The following ATXN10 variants were observed in gnomAD, a reference collection of about 807,000 sequenced individuals.
The protein encoded by ATXN10 is ataxin 10.
In ATXN10, 28 loss-of-function variants were observed where a neutral mutation model predicts 52.9. The observed-to-expected ratio is 0.53, with a 90% confidence interval of 0.39 to 0.73. ATXN10 has a LOEUF of 0.73. Among genes scored for constraint, ATXN10 ranks in the 30% least tolerant of loss-of-function variants. The probability of loss-of-function intolerance (pLI) is 0.00; values close to 1 mark genes in which losing one functional copy is unlikely to be tolerated. For synonymous variants in ATXN10, 226 were observed against 221.5 expected, an observed-to-expected ratio of 1.02 and a Z score of -0.18; for missense variants, 565 against 577.0, an observed-to-expected ratio of 0.98 and a Z score of 0.21.
chr22:45,807,199 C>T, intron 10 of ATXN10, 177 bp downstream of exon 10: 2 of 704,224 alleles, frequency 2.8e-6, no homozygotes, highest in South Asian at 3.0e-5. Flanking sequence ...TTTCTGTAAC[C>T]TTTGTAGTAT....
intron 9 of ATXN10, among the ~76,000 whole-genome samples, chr22:45,779,015 C>T (rs932876605): frequency 3.3e-5 from 5 of 152,118 alleles, no homozygotes; most frequent in East Asian, 1.9e-4. Flanking sequence ...CTGTGTTCCT[C>T]GTTTGTAAAG....
rs994102696 is a variant in ATXN10 at position 45,748,917 on chromosome 22, AT to A, written c.1173+8387del. ...TGGTTTAGGTTGTTGCAGCTGTAAAATTTTTTTTAAAAGACTAAAGGATGGT... is the reference window on the plus strand; with the variant it reads ...TGGTTTAGGTTGTTGCAGCTGTAAAATTTTTTTAAAAGACTAAAGGATGGT... On this transcript the variant is annotated intron_variant, in intron 9 of 11. Transcript: ENST00000252934. Among the ~76,000 whole-genome samples the A allele has an allele frequency of 3.1e-4, 47 of 152,194 alleles. 2 individuals are homozygous for A. Among genetic ancestry groups the A allele is most frequent in the Admixed American group, 2.9e-3 (44 of 15,276 alleles).
In ATXN10 at chr22:45,757,983, A is replaced by G. The variant is rs1325414417; in HGVS notation, c.1173+17445A>G. ...GAAAAAAAGTTGAGCTTTTGTGATG[A>G]CACACAAATTCAAACTAAATTTGAT... is the stretch of plus-strand genomic sequence containing the variant. On this transcript the variant is annotated intron_variant, in intron 9 of 11. Coordinates refer to ENST00000252934, the MANE Select transcript of ATXN10 (RefSeq NM_013236.4). The surrounding 1 kb of genome is among the most constrained non-coding windows in gnomAD (Gnocchi z 4.6). Among the ~76,000 whole-genome samples the G allele has an allele frequency of 6.6e-6, 1 of 152,260 alleles. No individual in the cohort carries two copies. The highest frequency in any genetic ancestry group is 2.4e-5 in the African/African-American group (1 of 41,472).
At chr22:45,699,523 G>C (rs1316372408) in intron 3 of ATXN10, among the ~76,000 whole-genome samples, 1 of 138,352 alleles carries the variant, frequency 7.2e-6, no homozygotes, top group African/African-American at 2.7e-5. Context: ...ACAGGGTCTG[G>C]GTCTGTCTCC....
rs1258415779 is a variant in ATXN10, at chr22:45,766,107, A to G, written c.1173+25569A>G. On this transcript the variant is annotated intron_variant, in intron 9 of 11. Coordinates refer to ENST00000252934, the MANE Select transcript of ATXN10 (RefSeq NM_013236.4). This position sits in a 1 kb window ranked among gnomAD's most constrained non-coding sequence, Gnocchi z 4.6. ...AAATGTAGTGTATGATAAAGCTGGCATCTCAGATCACTGGGAGGAAAAGAA... is the reference window on the plus strand; with the variant it reads ...AAATGTAGTGTATGATAAAGCTGGCGTCTCAGATCACTGGGAGGAAAAGAA... 1.3e-5 allele frequency among the ~76,000 whole-genome samples: 2 copies of G among 152,224 alleles called. No individual in the cohort carries two copies. The highest frequency in any genetic ancestry group is 4.8e-5 in the African/African-American group (2 of 41,452).
chr22:45,731,348 T>C (rs1925082481), intron 7 of ATXN10, among the ~76,000 whole-genome samples: 2 of 152,196 alleles, frequency 1.3e-5, no homozygotes, highest in African/African-American at 4.8e-5. Context: ...ATGAGTGGAA[T>C]TGATTGCAGG....
Position 45,689,854 on chromosome 22 carries a change from T to G in ATXN10, c.259T>G (p.Cys87Gly). Residue 87 changes from cysteine to glycine, a missense_variant, in exon 2 of 12, where the codon TGT becomes GGT. Transcript: ENST00000252934. ...SLQLITECFR[C>G]LRNACIECSV... ...GCAGTTAATAACAGAATGCTTCAGG[T>G]GTCTTCGCAATGCTTGCATAGAGTG... 1 of 1,614,178 alleles carries G rather than the reference T, an allele frequency of 6.2e-7. No homozygotes were observed. The highest frequency in any genetic ancestry group is 8.5e-7 in the Non-Finnish European group (1 of 1,180,028).
At chr22:45,751,348 C>T (rs1925940278) in intron 9 of ATXN10, among the ~76,000 whole-genome samples, 1 of 151,810 alleles carries the variant, frequency 6.6e-6, no homozygotes, top group African/African-American at 2.4e-5. Flanking sequence ...AAAAGTAAAA[C>T]GTTAGCATTG....
At chr22:45,807,497 T>A (rs1473161733) in intron 10 of ATXN10, among the ~76,000 whole-genome samples, 3 of 152,208 alleles carry the variant, frequency 2.0e-5, no homozygotes, top group African/African-American at 7.2e-5. Flanking sequence ...AAGGAGCATC[T>A]CAGTGGTGCT....
intron 6 of ATXN10, among the ~76,000 whole-genome samples, chr22:45,722,100 A>G (rs1924676349): frequency 6.6e-6 from 1 of 152,194 alleles, no homozygotes; most frequent in African/African-American, 2.4e-5. Flanking sequence ...GAGCAGCCTG[A>G]GTGATGATTT....
At chr22:45,686,302 T>C (rs1394968252) in intron 1 of ATXN10, among the ~76,000 whole-genome samples, 1 of 152,174 alleles carries the variant, frequency 6.6e-6, no homozygotes, top group Non-Finnish European at 1.5e-5. Flanking sequence ...ACAAATTCAA[T>C]TAATGGGTGC....
rs542288352 is a variant in ATXN10 at position 45,827,532 on chromosome 22, CAAAT to C, written c.1238-15455_1238-15452del. 8.4e-4 allele frequency among the ~76,000 whole-genome samples: 128 copies of C among 152,070 alleles called. 2 individuals carry two copies. Among genetic ancestry groups the C allele is most frequent in the African/African-American group, 2.8e-3 (115 of 41,462 alleles). On this transcript the variant is annotated intron_variant, in intron 10 of 11. Transcript: ENST00000252934. ...AATATCAGACAAAATGATTTTAAAT[CAAAT>C]AAAGGTTGCAAGAGACAAAGAAGAA... is the stretch of plus-strand genomic sequence containing the variant.
At chr22:45,793,636 A>G in intron 9 of ATXN10, 1 of 1,385,776 alleles carries the variant, frequency 7.2e-7, no homozygotes, top group South Asian at 2.1e-5. Flanking sequence ...AGTCTGTTCC[A>G]CCAGCCTTTG....
At chr22:45,834,456 G>C (rs1000133596) in intron 10 of ATXN10, among the ~76,000 whole-genome samples, 1 of 152,212 alleles carries the variant, frequency 6.6e-6, no homozygotes, top group African/African-American at 2.4e-5. Flanking sequence ...AGTGTCCCGG[G>C]TTGTGTGTGG....
chr22:45,810,766 C>A (rs567344046), intron 10 of ATXN10, among the ~76,000 whole-genome samples: 2 of 152,182 alleles, frequency 1.3e-5, no homozygotes, highest in Admixed American at 1.3e-4. Context: ...ATTATAACTT[C>A]TTTTTTGACT....
At position 45,828,283 on chromosome 22, in the gene ATXN10, A is replaced by G. The variant is rs1928882231; in HGVS notation, c.1238-14708A>G. 6.6e-6 allele frequency among the ~76,000 whole-genome samples: 1 copy of G among 152,138 alleles called. No individual in the cohort carries two copies. The highest frequency in any genetic ancestry group is 2.4e-5 in the African/African-American group (1 of 41,466). On this transcript the variant is annotated intron_variant, in intron 10 of 11. Coordinates refer to ENST00000252934, the MANE Select transcript of ATXN10 (RefSeq NM_013236.4). This position sits in a 1 kb window ranked among gnomAD's most constrained non-coding sequence, Gnocchi z 4.5. ...ATAACAGAACTTATGGGACACAGCA[A>G]AAATAATGCTAAGGGGGAAATTTTA...
At chr22:45,699,640 T>G (rs1018415031) in intron 3 of ATXN10, among the ~76,000 whole-genome samples, 2 of 151,146 alleles carry the variant, frequency 1.3e-5, no homozygotes, top group Non-Finnish European at 3.0e-5. Context: ...TACAGACGCC[T>G]TCCACCACGC....
In ATXN10 at chr22:45,806,945, T is replaced by G. The variant is rs761854620; in HGVS notation, c.1174-14T>G. 7 of 1,609,282 alleles carry G rather than the reference T, an allele frequency of 4.3e-6. No individual in the cohort carries two copies. In the Admixed American group the frequency reaches 1.2e-4, roughly 27 times the overall value. ...GCTGTTTTCAGTGTATAAACTTATC[T>G]TCTTTCTCTCTAGGTAAATGAGCTG... is the stretch of plus-strand genomic sequence containing the variant. On this transcript the variant is annotated splice_polypyrimidine_tract_variant and intron_variant, in intron 9 of 11. Transcript: ENST00000252934.
At chr22:45,747,272 G>C (rs1236675453) in intron 9 of ATXN10, among the ~76,000 whole-genome samples, 1 of 152,176 alleles carries the variant, frequency 6.6e-6, no homozygotes, top group African/African-American at 2.4e-5. Context: ...TTGGAAGGCT[G>C]AGGCGGGAGA....
Sources: gnomAD v4.1 joint callset for allele counts (sites outside exome capture counted in the v4.1 genomes callset) on GRCh38, gnomAD v4.1.1 for gene constraint, Gnocchi (gnomAD v3.1) non-coding constraint, MANE v1.5 for transcripts, NCBI Gene and HGNC (gene_info 2026-07-23, HGNC 2026-07-21) for gene names.